The following ZFAND3 variants were observed in gnomAD, a reference collection of about 807,000 sequenced individuals.
ZFAND3 encodes AN1-type zinc finger protein 3.
In ZFAND3, 10 loss-of-function variants were observed where a neutral mutation model predicts 29.6. The observed-to-expected ratio is 0.34, with a 90% CI of 0.21 to 0.57. ZFAND3 has a LOEUF of 0.57. Among genes scored for constraint, ZFAND3 ranks in the 20% least tolerant of loss-of-function variants. The pLI is 0.86. For synonymous variants in ZFAND3, 128 were observed against 112.6 expected (o/e 1.14, Z -0.87); for missense variants, 230 against 304.5 (o/e 0.76, Z 1.82).
chr6:38,060,199 CT>C lies in ZFAND3; in HGVS notation c.113-1393del, dbSNP rs201270805. On this transcript the variant is annotated intron_variant, in intron 2 of 5. Coordinates refer to ENST00000287218, the MANE Select transcript of ZFAND3 (RefSeq NM_021943.3). ...TGGAACCTGAGTATATGCGGGAGTTCTGAAACCAGTCCCCTGTGTATACTAA... is the reference window on the plus strand; with the variant it reads ...TGGAACCTGAGTATATGCGGGAGTTCGAAACCAGTCCCCTGTGTATACTAA... Among the ~76,000 whole-genome samples the C allele has an allele frequency of 2.7e-3, 411 of 152,222 alleles. 2 individuals carry two copies. Among genetic ancestry groups the C allele is most frequent in the African/African-American group, 9.6e-3 (399 of 41,526 alleles).
chr6:38,041,218 G>C (rs1234505020), intron 2 of ZFAND3, among the ~76,000 whole-genome samples: 1 of 152,182 alleles, frequency 6.6e-6, no homozygotes, highest in Non-Finnish European at 1.5e-5. Context: ...ATAGTATCAG[G>C]AAGCATGTGA....
chr6:38,137,367 G>T (rs1005260447), intron 5 of ZFAND3, among the ~76,000 whole-genome samples: 2 of 152,244 alleles, frequency 1.3e-5, no homozygotes, highest in African/African-American at 4.8e-5. Context: ...TCTCCTGTGA[G>T]GGGGAGGGGC....
intron 4 of ZFAND3, among the ~76,000 whole-genome samples, chr6:38,097,222 TG>T (rs1393604704): frequency 1.1e-4 from 17 of 151,412 alleles, no homozygotes; most frequent in Non-Finnish European, 1.9e-4. Context: ...ACCACAGTCC[TG>T]CACCAGCACA....
At chr6:37,914,825 G>A (rs910904621) in intron 1 of ZFAND3, among the ~76,000 whole-genome samples, 18 of 151,914 alleles carry the variant, frequency 1.2e-4, no homozygotes, top group African/African-American at 3.9e-4. Context: ...ATTCTTAAGG[G>A]CCCTAGGATT....
chr6:38,130,257 A>G lies in ZFAND3; in HGVS notation c.529+13518A>G, dbSNP rs1054365595. On this transcript the variant is annotated intron_variant, in intron 5 of 5. Coordinates refer to ENST00000287218, the MANE Select transcript of ZFAND3 (RefSeq NM_021943.3). ...GTGAACGATCATATCATCCATCAGC[A>G]AACAGTGAGTTTGACTTCCTCCTTA... Among the ~76,000 whole-genome samples, 7 of 152,308 alleles carry G rather than the reference A, an allele frequency of 4.6e-5. No homozygotes were observed. The East Asian group carries it at 1.3e-3, about 29-fold the overall frequency.
chr6:37,989,336 A>C (rs1473073603), intron 2 of ZFAND3, among the ~76,000 whole-genome samples: 2 of 152,170 alleles, frequency 1.3e-5, no homozygotes, highest in Non-Finnish European at 2.9e-5. Context: ...ATTCCTCATA[A>C]TACTACTGAA....
chr6:38,141,466 C>G (rs1248554434), intron 5 of ZFAND3, among the ~76,000 whole-genome samples: 1 of 152,188 alleles, frequency 6.6e-6, no homozygotes, highest in African/African-American at 2.4e-5. Flanking sequence ...TCATGGTGTC[C>G]CTAACCACTG....
rs897001741 is a variant in ZFAND3, at chr6:37,819,742, G to A, written c.-204G>A. On this transcript the variant is annotated 5_prime_UTR_variant, in exon 1 of 6. Coordinates refer to ENST00000287218, the MANE Select transcript of ZFAND3 (RefSeq NM_021943.3). Reference sequence around the variant, plus strand: ...TCTCCGCCCCCTCCCCGTCTCCGCAGGCCGAGTGGTGCGGCCCGCCTCCAG... The same window carrying A: ...TCTCCGCCCCCTCCCCGTCTCCGCAAGCCGAGTGGTGCGGCCCGCCTCCAG... 4.2e-5 allele frequency: 9 copies of A among 213,918 alleles called. No individual in the cohort carries two copies. Among genetic ancestry groups the A allele is most frequent in the Non-Finnish European group, 7.1e-5 (8 of 112,774 alleles). 13.3% of individuals were successfully genotyped at this position (213,918 alleles called of 1,614,324 possible).
At chr6:37,875,635 T>C (rs974103332) in intron 1 of ZFAND3, among the ~76,000 whole-genome samples, 6 of 84,126 alleles carry the variant, frequency 7.1e-5, no homozygotes, top group Non-Finnish European at 1.3e-4. Flanking sequence ...AATTTCTGTA[T>C]TTTTTTTTTT....
At chr6:37,985,078 A>G (rs900485930) in intron 2 of ZFAND3, among the ~76,000 whole-genome samples, 4 of 152,206 alleles carry the variant, frequency 2.6e-5, no homozygotes, top group South Asian at 4.1e-4. Flanking sequence ...TTAAATAAAG[A>G]TCTATAAACT....
chr6:37,864,740 C>T (rs1481540297), intron 1 of ZFAND3, among the ~76,000 whole-genome samples: 1 of 19,004 alleles, frequency 5.3e-5, no homozygotes, highest in East Asian at 4.5e-3. Flanking sequence ...TGTGGTTATA[C>T]ACACACACAC....
At chr6:37,941,304 T>C (rs943703587) in intron 2 of ZFAND3, among the ~76,000 whole-genome samples, 6 of 152,222 alleles carry the variant, frequency 3.9e-5, no homozygotes, top group Non-Finnish European at 8.8e-5. Flanking sequence ...GATTGTACTG[T>C]GAGGATGTAA....
chr6:37,855,714 T>C (rs1764369758), intron 1 of ZFAND3, among the ~76,000 whole-genome samples: 1 of 152,176 alleles, frequency 6.6e-6, no homozygotes, highest in Non-Finnish European at 1.5e-5. Flanking sequence ...GATTTAACCA[T>C]TGTGAAATCT....
intron 2 of ZFAND3, among the ~76,000 whole-genome samples, chr6:38,000,046 TA>T (rs1561961520): frequency 6.6e-6 from 1 of 152,180 alleles, no homozygotes. Context: ...AAAGCTTTTT[TA>T]AAAAAGGAAA....
chr6:37,927,168 C>A (rs963540119), intron 1 of ZFAND3, among the ~76,000 whole-genome samples: 2 of 152,132 alleles, frequency 1.3e-5, no homozygotes, highest in African/African-American at 4.8e-5. Context: ...ATTTTAAATA[C>A]ATAAATTATC....
rs183297409 is a variant in ZFAND3 at position 37,849,923 on chromosome 6, T to C, written c.71+29907T>C. Among the ~76,000 whole-genome samples, 25 of 152,300 alleles carry C rather than the reference T, an allele frequency of 1.6e-4. No individual in the cohort carries two copies. In the East Asian group the frequency reaches 4.6e-3, roughly 28 times the overall value. ...TTCCTTTAGTTTCACCTAAATGTGA[T>C]TGCTTTCTCTGCTGTACTCCTTCCT... is the stretch of plus-strand genomic sequence containing the variant. On this transcript the variant is annotated intron_variant, in intron 1 of 5. Transcript: ENST00000287218.
At chr6:38,151,844 A>T (rs1766232923) in intron 5 of ZFAND3, among the ~76,000 whole-genome samples, 4 of 152,082 alleles carry the variant, frequency 2.6e-5, no homozygotes, top group Admixed American at 2.0e-4. Flanking sequence ...AATGGTGGGC[A>T]TCCTGTGGTG....
At chr6:38,083,668 A>T (rs1042030942) in intron 4 of ZFAND3, among the ~76,000 whole-genome samples, 15 of 152,106 alleles carry the variant, frequency 9.9e-5, no homozygotes, top group Non-Finnish European at 4.4e-5. Flanking sequence ...CCCTCAGAGA[A>T]GGCTTTACTG....
Position 37,929,794 on chromosome 6 carries a change from G to C in ZFAND3, c.72-165G>C, listed in dbSNP as rs187390879. 2.9e-3 allele frequency among the ~76,000 whole-genome samples: 442 copies of C among 151,290 alleles called. 1 individual carries two copies. The highest frequency in any genetic ancestry group is 9.9e-3 in the African/African-American group (410 of 41,262). On this transcript the variant is annotated intron_variant, in intron 1 of 5. Transcript: ENST00000287218. ...TTTTTTTAATTTTTATTTTGTTGAG[G>C]GGGGAGTGGTGGCTAGCTAGGGACT...
Sources: allele counts gnomAD v4.1 joint callset (sites outside exome capture counted in the v4.1 genomes callset), GRCh38; gene constraint gnomAD v4.1.1; transcripts MANE v1.5; gene names NCBI Gene and HGNC (gene_info 2026-07-23, HGNC 2026-07-21).